EFCAB12: variants seen among roughly 807,000 people sequenced by gnomAD.
EFCAB12 encodes the protein EF-hand calcium-binding domain-containing protein 12.
Under a neutral mutation model 53.6 loss-of-function variants are expected in EFCAB12, and 43 were observed. The ratio of observed to expected loss-of-function variants is 0.80; its 90% CI spans 0.63 to 1.03. EFCAB12 has a LOEUF of 1.03. Ranked by LOEUF, EFCAB12 falls within the 50% of genes least tolerant of loss-of-function variation. The pLI, the probability that EFCAB12 is intolerant of heterozygous loss-of-function variation, is 0.00. For missense variants in EFCAB12, 646 were observed against 730.6 expected (o/e 0.88, Z 1.34); for synonymous variants, 269 against 289.2 (o/e 0.93, Z 0.71).
rs1281684655 is a variant in EFCAB12 at position 129,419,853 on chromosome 3, C to A, written c.487-1405G>T. ...TGGAAGTAAGACCGTGTCTTATTTA[C>A]AGTGTATCCCCATCTCCCACCTTTA... On this transcript the variant is annotated intron_variant, in intron 2 of 8. Coordinates refer to ENST00000505956, the MANE Select transcript of EFCAB12 (RefSeq NM_207307.3). Among the ~76,000 whole-genome samples the A allele has an allele frequency of 2.6e-5, 4 of 152,220 alleles. No homozygotes were observed. In the East Asian group the frequency reaches 5.8e-4, roughly 22 times the overall value.
intron 4 of EFCAB12, chr3:129,411,668 C>T (rs2072042560): frequency 4.9e-6 from 1 of 203,686 alleles, no homozygotes; most frequent in Non-Finnish European, 9.9e-6. Flanking sequence ...GGCGCGGTGG[C>T]TCACGCCAGT....
chr3:129,404,498 T>TA (rs2071922154), intron 6 of EFCAB12, 95 bp from the exon 7 acceptor site: 2 of 1,249,662 alleles, frequency 1.6e-6, no homozygotes, highest in Admixed American at 5.0e-5. Context: ...TTTTTTTTTT[T>TA]AATTCACATT....
At chr3:129,424,909 T>C (rs1048107240) in intron 1 of EFCAB12, among the ~76,000 whole-genome samples, 2 of 152,144 alleles carry the variant, frequency 1.3e-5, no homozygotes, top group Non-Finnish European at 2.9e-5. Context: ...AAATGCTGAC[T>C]GTGGGACCTG....
At chr3:129,417,197 C>T (rs913236523) in intron 3 of EFCAB12, among the ~76,000 whole-genome samples, 26 of 151,472 alleles carry the variant, frequency 1.7e-4, no homozygotes, top group Non-Finnish European at 3.2e-4. Flanking sequence ...TGGTGGTGCA[C>T]GCCTATAGTC....
intron 1 of EFCAB12, among the ~76,000 whole-genome samples, chr3:129,428,101 A>G (rs889266372): frequency 3.4e-4 from 52 of 152,150 alleles, no homozygotes; most frequent in African/African-American, 1.2e-3. Context: ...GTGAAGCTGC[A>G]TTGCTTTGCC....
intron 1 of EFCAB12, among the ~76,000 whole-genome samples, chr3:129,424,031 C>G (rs964280299): frequency 6.6e-6 from 1 of 152,208 alleles, no homozygotes; most frequent in African/African-American, 2.4e-5. Context: ...CCATAGCCCC[C>G]ACACTTAGTC....
chr3:129,411,503 C>T, intron 4 of EFCAB12, 149 bp from the exon 5 acceptor site: 1 of 715,516 alleles, frequency 1.4e-6, no homozygotes, highest in African/African-American at 1.8e-5. Flanking sequence ...CCACCTAAGC[C>T]ACCTAAGCTG....
chr3:129,412,458 A>G (rs1310022924), intron 4 of EFCAB12: 1 of 151,820 alleles, frequency 6.6e-6, no homozygotes, highest in African/African-American at 2.4e-5. Context: ...AGATAGATAG[A>G]TAGATAGATA....
chr3:129,408,918 G>C, intron 5 of EFCAB12, 60 bp from the exon 6 acceptor site: 1 of 1,528,212 alleles, frequency 6.5e-7, no homozygotes, highest in Non-Finnish European at 8.9e-7. Context: ...CTCCTGGCCA[G>C]AAGAAGGAAG....
chr3:129,408,943 C>T (rs2071993894), intron 5 of EFCAB12, 85 bp from the exon 6 acceptor site: 47 of 1,453,732 alleles, frequency 3.2e-5, no homozygotes, highest in East Asian at 7.5e-5. Flanking sequence ...AGTGCCTCAT[C>T]GACCTCTCCC....
chr3:129,405,477 A>C (rs2071937273), intron 6 of EFCAB12, among the ~76,000 whole-genome samples: 1 of 152,234 alleles, frequency 6.6e-6, no homozygotes, highest in Admixed American at 6.5e-5. Context: ...ATTTTCTGTA[A>C]ATGGAAAAGG....
At chr3:129,404,217 C>T (rs1157923940) in intron 7 of EFCAB12, 33 bp downstream of exon 7, 6 of 1,599,580 alleles carry the variant, frequency 3.8e-6, no homozygotes, top group Non-Finnish European at 5.1e-6. Flanking sequence ...AGCAGGAGGC[C>T]AAGGCAGGGA....
At chr3:129,426,845 C>CTTTTT (rs1171276318) in intron 1 of EFCAB12, among the ~76,000 whole-genome samples, 1 of 105,044 alleles carries the variant, frequency 9.5e-6, no homozygotes, top group Non-Finnish European at 1.8e-5. Context: ...CCTAGCTAAC[C>CTTTTT]TTTTTTTTTT....
At chr3:129,418,219 C>G in intron 3 of EFCAB12, 35 bp downstream of exon 3, 1 of 1,573,568 alleles carries the variant, frequency 6.4e-7, no homozygotes, top group Non-Finnish European at 8.6e-7. Flanking sequence ...ATCCTGCCCA[C>G]TTAGGCCCAT....
Position 129,401,663 on chromosome 3 carries a change from C to T in EFCAB12, c.1649G>A (p.Trp550Ter). The T allele has an allele frequency of 6.3e-7, 1 of 1,587,196 alleles. No homozygotes were observed. Among genetic ancestry groups the T allele is most frequent in the Non-Finnish European group, 8.6e-7 (1 of 1,166,624 alleles). The change falls in exon 9 of 9, where the codon TGG becomes TAG. Residue 550 changes from tryptophan to a stop codon, truncating the protein, a stop_gained. Transcript: ENST00000505956. LOFTEE classifies it low-confidence loss of function (END_TRUNC). ...CATGTAGTTCTTGTTCCTAAGGGGC[C>T]ACCAGTGGTCAGGGTGGTAGGTGGC... ...YPATYHPDHW[W>*]PLRNKNYMTH...
intron 7 of EFCAB12, 32 bp downstream of exon 7, chr3:129,404,218 A>G: frequency 6.2e-7 from 1 of 1,600,950 alleles, no homozygotes. Flanking sequence ...GCAGGAGGCC[A>G]AGGCAGGGAG....
chr3:129,426,972 T>C (rs1035142118), intron 1 of EFCAB12, among the ~76,000 whole-genome samples: 7 of 149,406 alleles, frequency 4.7e-5, no homozygotes, highest in African/African-American at 1.7e-4. Context: ...CTCAGCCTCC[T>C]GAGTAGCTGT....
In EFCAB12 at chr3:129,404,240, G is replaced by GA. The variant is rs2071915554; in HGVS notation, c.1403+9dup. 4 of 1,610,290 alleles carry GA rather than the reference G, an allele frequency of 2.5e-6. No homozygotes were observed. Among genetic ancestry groups the GA allele is most frequent in the Non-Finnish European group, 3.4e-6 (4 of 1,177,816 alleles). ...GCCAAGGCAGGGAGAAAGGGGGTCCGAAACTCAGCTTGTCAGTCCTCTTAG... is the reference window on the plus strand; with the variant it reads ...GCCAAGGCAGGGAGAAAGGGGGTCCGAAAACTCAGCTTGTCAGTCCTCTTAG... On this transcript the variant is annotated intron_variant, in intron 7 of 8. Coordinates refer to ENST00000505956, the MANE Select transcript of EFCAB12 (RefSeq NM_207307.3).
intron 3 of EFCAB12, among the ~76,000 whole-genome samples, chr3:129,417,718 A>G (rs999798178): frequency 6.6e-6 from 1 of 152,204 alleles, no homozygotes; most frequent in African/African-American, 2.4e-5. Flanking sequence ...TGGATTTTTA[A>G]ATTTATAATT....
Sources: gnomAD v4.1 joint callset for allele counts (sites outside exome capture counted in the v4.1 genomes callset) on GRCh38, gnomAD v4.1.1 for gene constraint, MANE v1.5 for transcripts, NCBI Gene and HGNC (gene_info 2026-07-23, HGNC 2026-07-21) for gene names.